LCN10: variants seen among roughly 807,000 people sequenced by gnomAD.
LCN10 encodes the protein epididymal-specific lipocalin-10.
Under a neutral mutation model 25.1 loss-of-function variants are expected in LCN10, and 18 were observed. The ratio of observed to expected loss-of-function variants is 0.72; its 90% confidence interval spans 0.50 to 1.06. The LOEUF (loss-of-function observed/expected upper bound fraction) is 1.06, where lower values mean the gene tolerates loss of function less well. Among genes scored for constraint, LCN10 ranks in the 50% least tolerant of loss-of-function variants. The probability of loss-of-function intolerance (pLI) is 0.00; values close to 1 mark genes in which losing one functional copy is unlikely to be tolerated. For synonymous variants in LCN10, 130 were observed against 116.7 expected (o/e 1.11, Z -0.73); for missense variants, 257 against 258.9 (o/e 0.99, Z 0.05).
rs1273165224 is a variant in LCN10, at chr9:136,742,668, C to T, written c.117+119G>A. On this transcript the variant is annotated intron_variant, in intron 1 of 5. Transcript: ENST00000497771. ...GCAGTGGGAGAGGCCAGGTGGGCAGCGCCCGTGCCTGGAACTGCTGGTAGC... is the reference window on the plus strand; with the variant it reads ...GCAGTGGGAGAGGCCAGGTGGGCAGTGCCCGTGCCTGGAACTGCTGGTAGC... 18 of 1,270,286 alleles carry T rather than the reference C, an allele frequency of 1.4e-5. No homozygotes were observed. The South Asian group carries it at 2.1e-4, about 15-fold the overall frequency. The allele number at this position is 1,270,286 out of a possible 1,614,324, so 78.7% of individuals were successfully genotyped here. A position where few individuals can be genotyped will look rare whatever the true frequency, so the allele number is the denominator to read the frequency against.
rs770859420 is a variant in LCN10 at position 136,741,337 on chromosome 9, C to T, written c.282G>A (p.Glu94=). 5 of 1,612,692 alleles carry T rather than the reference C, an allele frequency of 3.1e-6. No individual in the cohort carries two copies. Among genetic ancestry groups the T allele is most frequent in the Admixed American group, 1.7e-5 (1 of 60,004 alleles). Residue 94 remains glutamate (E), a synonymous_variant, in exon 3 of 6, where the codon GAG becomes GAA. Coordinates refer to ENST00000497771, the MANE Select transcript of LCN10 (RefSeq NM_001001712.3). ...TCTTCCCGTCTTTCCTCAGGATCACCTCCTGGGACTGGCACCCCTTCAACC... is the reference window on the plus strand; with the variant it reads ...TCTTCCCGTCTTTCCTCAGGATCACTTCCTGGGACTGGCACCCCTTCAACC... ...FRRLKGCQSQ[E]VILRKDGKKP... is the part of the protein sequence containing the mutation.
At chr9:136,741,396 G>C (rs1172355662) in intron 2 of LCN10, 35 bp from the exon 3 acceptor site, 2 of 1,505,688 alleles carry the variant, frequency 1.3e-6, no homozygotes, top group East Asian at 4.5e-5. Flanking sequence ...CTGCAGACCA[G>C]GGAACCCCTC....
chr9:136,742,521 T>C (rs1054785412), intron 1 of LCN10: 3 of 543,470 alleles, frequency 5.5e-6, no homozygotes, highest in East Asian at 3.1e-5. Context: ...TCTCCCGACC[T>C]CCTCGGCCAC....
At chr9:136,741,147 G>T in intron 3 of LCN10, 105 bp downstream of exon 3, 1 of 1,133,504 alleles carries the variant, frequency 8.8e-7, no homozygotes, top group Non-Finnish European at 1.3e-6. Context: ...CAGCCAGCCT[G>T]ACGCCTGCCT....
intron 1 of LCN10, chr9:136,742,461 C>G: frequency 2.3e-6 from 1 of 441,474 alleles, no homozygotes; most frequent in Non-Finnish European, 4.1e-6. Flanking sequence ...CGGGCCCTCC[C>G]GCTACAGAAT....
chr9:136,740,167 G>A lies in LCN10; in HGVS notation c.476-119C>T. 1.3e-6 allele frequency: 1 copy of A among 759,022 alleles called. No homozygotes were observed. 47.0% of individuals were successfully genotyped at this position (759,022 alleles called of 1,614,324 possible). A position where few individuals can be genotyped will look rare whatever the true frequency, so the allele number is the denominator to read the frequency against. The stretch of plus-strand genomic sequence containing the variant: ...AATGTCCTCAGAGCTTAGGCGTGAA[G>A]CAGGGGTTGGCCAGGGGAGGACAGC... On this transcript the variant is annotated intron_variant, in intron 4 of 5. Transcript: ENST00000497771. The surrounding 1 kb of genome is among the most constrained non-coding windows in gnomAD (Gnocchi z 5.3).
rs1846906615 is a variant in LCN10, at chr9:136,740,368, A to G, written c.476-320T>C. 4.5e-6 allele frequency: 2 copies of G among 447,702 alleles called. No individual in the cohort carries two copies. The highest frequency in any genetic ancestry group is 8.2e-5 in the East Asian group (2 of 24,486). The allele number at this position is 447,702 out of a possible 1,614,324, so 27.7% of individuals were successfully genotyped here. A position where few individuals can be genotyped will look rare whatever the true frequency, so the allele number is the denominator to read the frequency against. ...GCCTCGACTGAGACCCCAGGACCCC[A>G]CCTCCCCTCTACCCGTTCCAACCGG... On this transcript the variant is annotated intron_variant, in intron 4 of 5. Transcript: ENST00000497771. The surrounding 1 kb of genome is among the most constrained non-coding windows in gnomAD (Gnocchi z 5.3).
In LCN10 at chr9:136,739,902, G is replaced by T; in HGVS notation, c.574+48C>A. 7.2e-7 allele frequency: 1 copy of T among 1,386,738 alleles called. No homozygotes were observed. The highest frequency in any genetic ancestry group is 1.0e-6 in the Non-Finnish European group (1 of 995,248). The allele number at this position is 1,386,738 out of a possible 1,614,324, so 85.9% of individuals were successfully genotyped here. A position where few individuals can be genotyped will look rare whatever the true frequency, so the allele number is the denominator to read the frequency against. On this transcript the variant is annotated intron_variant, in intron 5 of 5. Transcript: ENST00000497771. This position sits in a 1 kb window ranked among gnomAD's most constrained non-coding sequence, Gnocchi z 6.1. ...CCCCAATGAATCAGCTCCCCAATGG[G>T]ACGGGCAGGTAGGGCCAGGAGGGCA... is the stretch of plus-strand genomic sequence containing the variant.
In LCN10 at chr9:136,739,148, G is replaced by C. The variant is rs11145856; in HGVS notation, c.*377C>G. 2.9e-3 allele frequency: 737 copies of C among 252,028 alleles called. 3 individuals are homozygous for C. The highest frequency in any genetic ancestry group is 0.016 in the African/African-American group (705 of 44,658). The allele number at this position is 252,028 out of a possible 1,614,324, so 15.6% of individuals were successfully genotyped here. ...GATATGCGAACGGCTTCCTGAGAAA[G>C]TGCAGGATGTAAAGGAACGCGGAGG... On this transcript the variant is annotated 3_prime_UTR_variant, in exon 6 of 6. Transcript: ENST00000497771. This position sits in a 1 kb window ranked among gnomAD's most constrained non-coding sequence, Gnocchi z 6.1.
chr9:136,740,890 C>T lies in LCN10; in HGVS notation c.421G>A (p.Val141Ile). The T allele has an allele frequency of 6.2e-7, 1 of 1,613,826 alleles. No individual in the cohort carries two copies. ...GTTGCACGCCCCAGGCGGAGGTAGA[C>T]CAAGCCGTAGCTGTAGTCAGTGGAC... is the stretch of plus-strand genomic sequence containing the variant. ...VLSTDYSYGL[V>I]YLRLGRATQN... Residue 141 changes from valine (V) to isoleucine (I), a missense_variant, in exon 4 of 6, where the codon GTC (valine) becomes ATC (isoleucine). Physicochemically the swap from Val to Ile is conservative, Grantham distance 29. Coordinates refer to ENST00000497771, the MANE Select transcript of LCN10 (RefSeq NM_001001712.3). This position sits in a 1 kb window ranked among gnomAD's most constrained non-coding sequence, Gnocchi z 5.3.
intron 1 of LCN10, chr9:136,742,576 GC>G (rs1212873791): frequency 1.2e-5 from 7 of 602,930 alleles, no homozygotes; most frequent in Admixed American, 3.1e-5. Flanking sequence ...ACCCCCCTGG[GC>G]CCCCGAACCC....
chr9:136,739,659 T>A lies in LCN10; in HGVS notation c.575-106A>T. ...CTCCCTGGTTCCATGCGTGCTCGTC[T>A]TGGGCACCACGAGAACACAGCCATG... On this transcript the variant is annotated intron_variant, in intron 5 of 5. Transcript: ENST00000497771. This position sits in a 1 kb window ranked among gnomAD's most constrained non-coding sequence, Gnocchi z 6.1. 9.2e-7 allele frequency: 1 copy of A among 1,092,342 alleles called. No homozygotes were observed. Among genetic ancestry groups the A allele is most frequent in the Non-Finnish European group, 1.4e-6 (1 of 730,796 alleles). The allele number at this position is 1,092,342 out of a possible 1,614,324, so 67.7% of individuals were successfully genotyped here.
Position 136,741,317 on chromosome 9 carries a change from C to T in LCN10, c.302G>A (p.Gly101Glu). 1 of 1,613,408 alleles carries T rather than the reference C, an allele frequency of 6.2e-7. No individual in the cohort carries two copies. The highest frequency in any genetic ancestry group is 8.5e-7 in the Non-Finnish European group (1 of 1,179,806). ...QSQEVILRKD[G>E]KKPVFGNACA... ...GGCGTTCCCAAACACCGGCTTCTTCCCGTCTTTCCTCAGGATCACCTCCTG... is the reference window on the plus strand; with the variant it reads ...GGCGTTCCCAAACACCGGCTTCTTCTCGTCTTTCCTCAGGATCACCTCCTG... Residue 101 changes from glycine (G) to glutamate (E), a missense_variant, in exon 3 of 6, where the codon GGG becomes GAG. By Grantham distance (98) the Gly-to-Glu change is moderately conservative. Transcript: ENST00000497771.
At chr9:136,741,811 T>C in intron 2 of LCN10, 70 bp downstream of exon 2, 1 of 1,518,714 alleles carries the variant, frequency 6.6e-7, no homozygotes, top group Non-Finnish European at 8.8e-7. Context: ...CCCAGACTCC[T>C]TTCCAGCCCC....
At position 136,740,217 on chromosome 9, in the gene LCN10, C is replaced by A. The variant is rs1486619177; in HGVS notation, c.476-169G>T. The A allele has an allele frequency of 3.2e-6, 2 of 628,476 alleles. No homozygotes were observed. The highest frequency in any genetic ancestry group is 5.8e-6 in the Non-Finnish European group (2 of 345,304). 38.9% of individuals were successfully genotyped at this position (628,476 alleles called of 1,614,324 possible). ...CGGCCGCTGGGCCCCTCCCCACTTACGAGGCAGCCAGGCTCGGGAAGCCAG... is the reference window on the plus strand; with the variant it reads ...CGGCCGCTGGGCCCCTCCCCACTTAAGAGGCAGCCAGGCTCGGGAAGCCAG... On this transcript the variant is annotated intron_variant, in intron 4 of 5. Transcript: ENST00000497771. This position sits in a 1 kb window ranked among gnomAD's most constrained non-coding sequence, Gnocchi z 5.3.
Position 136,738,802 on chromosome 9 carries a change from CTT to C in LCN10, c.*721_*722del, listed in dbSNP as rs1564320093. The C allele has an allele frequency of 6.6e-6, 1 of 152,466 alleles. No homozygotes were observed. The highest frequency in any genetic ancestry group is 1.5e-5 in the Non-Finnish European group (1 of 68,212). The allele number at this position is 152,466 out of a possible 1,614,324, so 9.4% of individuals were successfully genotyped here. A position where few individuals can be genotyped will look rare whatever the true frequency, so the allele number is the denominator to read the frequency against. ...GCTCCTCCAGCCCCACCCAAACTGA[CTT>C]AACACCCACCACCCTTCCCAGGTCA... On this transcript the variant is annotated 3_prime_UTR_variant, in exon 6 of 6. Transcript: ENST00000497771.
intron 1 of LCN10, 115 bp from the exon 2 acceptor site, chr9:136,742,135 C>T: frequency 7.6e-7 from 1 of 1,323,204 alleles, no homozygotes; most frequent in Non-Finnish European, 1.0e-6. Context: ...AGCCGGAGTC[C>T]CAGCTCCGCC....
At position 136,741,892 on chromosome 9, in the gene LCN10, G is replaced by A. The variant is rs1285153868; in HGVS notation, c.246C>T (p.Leu82=). The A allele has an allele frequency of 1.9e-5, 31 of 1,606,834 alleles. 1 individual carries two copies. The Middle Eastern group carries it at 5.0e-4, about 26-fold the overall frequency. ...CGCTGCCCACTCACCGTCTGAAGGC[G>A]AGGAGCACGCGGAGCTGGCCCACTT... The part of the protein sequence containing the change: ...VNKVGQLRVL[L]AFRRLKGCQS... The change falls in exon 2 of 6, where the codon CTC becomes CTT. Residue 82 remains leucine (L), a synonymous_variant. Transcript: ENST00000497771.
chr9:136,741,940 C>G lies in LCN10; in HGVS notation c.198G>C (p.Gly66=). ...CTTTGTTCACCTTTACCACGGACGC[C>G]CCCAGCTTCCTCTTGTCCCTGGCCG... ...FLPARDKRKL[G]ASVVKVNKVG... is the part of the protein sequence containing the mutation. The change falls in exon 2 of 6, where the codon GGG becomes GGC. Residue 66 remains glycine (G), a synonymous_variant. Coordinates refer to ENST00000497771, the MANE Select transcript of LCN10 (RefSeq NM_001001712.3). 1 of 1,611,556 alleles carries G rather than the reference C, an allele frequency of 6.2e-7. No homozygotes were observed. The highest frequency in any genetic ancestry group is 1.1e-5 in the South Asian group (1 of 90,404).
Sources: gnomAD v4.1 joint callset for allele counts on GRCh38, gnomAD v4.1.1 for gene constraint, Gnocchi (gnomAD v3.1) non-coding constraint, MANE v1.5 for transcripts, NCBI Gene and HGNC (gene_info 2026-07-23, HGNC 2026-07-21) for gene names.